The following FAM9A variants were observed in gnomAD, a reference collection of about 807,000 sequenced individuals.
FAM9A encodes the protein family with sequence similarity 9 member A, also known as protein FAM9A.
A neutral mutation model predicts 25.0 loss-of-function variants in FAM9A; 49 were observed. That is an observed-to-expected ratio of 1.96 (90% CI 1.56 to 2.48). The LOEUF (loss-of-function observed/expected upper bound fraction) is 2.48, where lower values mean the gene tolerates loss of function less well. FAM9A is among the 30% of genes most tolerant of loss of function. The pLI is 0.00. For missense variants in FAM9A, 266 were observed against 249.3 expected (o/e 1.07, Z -0.45); for synonymous variants, 80 against 85.1 (o/e 0.94, Z 0.33).
At position 8,791,166 on chromosome X, in the gene FAM9A, C is replaced by A; in HGVS notation, c.*38G>T. 4.2e-6 allele frequency: 2 copies of A among 473,796 alleles called. No individual in the cohort carries two copies. Among genetic ancestry groups the A allele is most frequent in the Non-Finnish European group, 6.9e-6 (2 of 291,276 alleles). 39.0% of individuals were successfully genotyped at this position (473,796 alleles called of 1,213,427 possible). On this transcript the variant is annotated 3_prime_UTR_variant, in exon 10 of 10. Coordinates refer to ENST00000381003, the MANE Select transcript of FAM9A (RefSeq NM_174951.3). ...AAGAGACAATGAAGTGCCAACTCTT[C>A]CAAAAGCTGTTTCAAAAAAAAATTT...
chrX:8,798,237 T>A, intron 4 of FAM9A, 56 bp from the exon 5 acceptor site: 1 of 1,202,838 alleles, frequency 8.3e-7, no homozygotes, highest in Non-Finnish European at 1.1e-6. Flanking sequence ...ATGCCATGTT[T>A]GTTGGGAAGA....
At chrX:8,796,804 G>A (rs1034508503) in intron 5 of FAM9A, among the ~76,000 whole-genome samples, 1 of 111,782 alleles carries the variant, frequency 8.9e-6, no homozygotes, top group Non-Finnish European at 1.9e-5. Flanking sequence ...CATCAAAAGG[G>A]TAGAAATAAC....
chrX:8,795,376 A>G lies in FAM9A; in HGVS notation c.533T>C (p.Leu178Pro). The stretch of plus-strand genomic sequence containing the variant: ...CTGCTTCTCTGCGATGTATTCTTTA[A>G]GGACATTCAGCAACTTCCGAGTATG... The part of the protein sequence containing the change: ...YRHTRKLLNV[L>P]KEYIAEKQKD... Residue 178 changes from leucine (L) to proline (P), a missense_variant, in exon 7 of 10, where the codon CTT becomes CCT. Transcript: ENST00000381003. 8.3e-7 allele frequency: 1 copy of G among 1,204,434 alleles called. No individual in the cohort carries two copies. Among genetic ancestry groups the G allele is most frequent in the Non-Finnish European group, 1.1e-6 (1 of 891,260 alleles).
chrX:8,795,631 T>G (rs1451673413), intron 6 of FAM9A, among the ~76,000 whole-genome samples: 1 of 112,037 alleles, frequency 8.9e-6, no homozygotes, highest in African/African-American at 3.2e-5. Context: ...CTATCTTACA[T>G]TCTTTATGTG....
At chrX:8,796,450 C>T in intron 5 of FAM9A, 68 bp from the exon 6 acceptor site, 2 of 659,400 alleles carry the variant, frequency 3.0e-6, no homozygotes, top group South Asian at 2.6e-5. Context: ...ATATTGAAAT[C>T]AACGTGAGAT....
chrX:8,795,895 T>C (rs1208551756), intron 6 of FAM9A, among the ~76,000 whole-genome samples: 1 of 111,938 alleles, frequency 8.9e-6, no homozygotes, highest in Non-Finnish European at 1.9e-5. Flanking sequence ...GATAACATAT[T>C]TACAACATAA....
chrX:8,791,327 C>T lies in FAM9A; in HGVS notation c.983G>A (p.Ser328Asn). The change falls in exon 9 of 10, where the codon AGT becomes AAT. Residue 328 changes from serine to asparagine, a missense_variant. By Grantham distance (46) the Ser-to-Asn change is conservative. Coordinates refer to ENST00000381003, the MANE Select transcript of FAM9A (RefSeq NM_174951.3). ...NYCIISSSEE[S>N]ELDN ...AAAACACGGCTAGTTATCAAGTTCA[C>T]TTTCTTCACTGGAAGAAATGATGCA... is the stretch of plus-strand genomic sequence containing the variant. The T allele has an allele frequency of 8.3e-7, 1 of 1,206,688 alleles. No homozygotes were observed. The highest frequency in any genetic ancestry group is 1.1e-6 in the Non-Finnish European group (1 of 892,885).
intron 2 of FAM9A, among the ~76,000 whole-genome samples, chrX:8,799,316 C>CTG (rs1315199965): frequency 2.7e-5 from 3 of 110,870 alleles, no homozygotes; most frequent in Non-Finnish European, 3.8e-5. Context: ...CCTCGCACAC[C>CTG]TGAATGGCCC....
chrX:8,791,318 T>A lies in FAM9A; in HGVS notation c.992A>T (p.Asp331Val), dbSNP rs1455704044. The stretch of plus-strand genomic sequence containing the variant: ...TTCTTTTTAAAAACACGGCTAGTTA[T>A]CAAGTTCACTTTCTTCACTGGAAGA... ...IISSSEESEL[D>V]N Residue 331 changes from aspartate (D) to valine (V), a missense_variant, in exon 9 of 10, where the codon GAT becomes GTT. Physicochemically the swap from Asp to Val is radical, Grantham distance 152. Coordinates refer to ENST00000381003, the MANE Select transcript of FAM9A (RefSeq NM_174951.3). The A allele has an allele frequency of 9.1e-6, 11 of 1,205,025 alleles. No individual in the cohort carries two copies. The highest frequency in any genetic ancestry group is 1.1e-5 in the Non-Finnish European group (10 of 891,853).
At chrX:8,801,227 G>C (rs994226493) in intron 1 of FAM9A, 84 bp downstream of exon 1, 2 of 107,817 alleles carry the variant, frequency 1.9e-5, no homozygotes, top group Non-Finnish European at 3.9e-5. Context: ...CCTCCCTACC[G>C]CGAGCGCTTC....
chrX:8,795,284 C>T lies in FAM9A; in HGVS notation c.625G>A (p.Ala209Thr), dbSNP rs778307732. 4 of 1,196,686 alleles carry T rather than the reference C, an allele frequency of 3.3e-6. No individual in the cohort carries two copies. The highest frequency in any genetic ancestry group is 1.8e-5 in the African/African-American group (1 of 55,978). Residue 209 changes from alanine to threonine, a missense_variant, in exon 7 of 10, where the codon GCC (alanine) becomes ACC (threonine). Transcript: ENST00000381003. ...AAAEAAAAAEAAAAAAEVIVV... is the reference protein window; with the variant it reads ...AAAEAAAAAETAAAAAEVIVV... Reference sequence around the variant, plus strand: ...ATTACTTCTGCTGCTGCTGCTGCGGCTTCTGCTGCTGCTGCGGCTTCTGCT... The same window carrying T: ...ATTACTTCTGCTGCTGCTGCTGCGGTTTCTGCTGCTGCTGCGGCTTCTGCT...
In FAM9A at chrX:8,791,323, T is replaced by A; in HGVS notation, c.987A>T (p.Glu329Asp). 8.3e-7 allele frequency: 1 copy of A among 1,205,229 alleles called. No individual in the cohort carries two copies. The highest frequency in any genetic ancestry group is 1.1e-6 in the Non-Finnish European group (1 of 892,181). Residue 329 changes from glutamate (E) to aspartate (D), a missense_variant, in exon 9 of 10, where the codon GAA becomes GAT. Coordinates refer to ENST00000381003, the MANE Select transcript of FAM9A (RefSeq NM_174951.3). ...YCIISSSEESELDN is the reference protein window; with the variant it reads ...YCIISSSEESDLDN ...TTTAAAAACACGGCTAGTTATCAAG[T>A]TCACTTTCTTCACTGGAAGAAATGA...
rs1933469355 is a variant in FAM9A at position 8,791,354 on chromosome X, T to C, written c.956A>G (p.Tyr319Cys). Residue 319 changes from tyrosine (Y) to cysteine (C), a missense_variant, in exon 9 of 10, where the codon TAT becomes TGT. Tyr to Cys is a radical substitution (Grantham distance 194). Coordinates refer to ENST00000381003, the MANE Select transcript of FAM9A (RefSeq NM_174951.3). ...LKAAKDTKDN[Y>C]CIISSSEESE... ...TTCTTCACTGGAAGAAATGATGCAA[T>C]AATTGTCTTTAGTGTCCTTGGCAGC... The C allele has an allele frequency of 2.5e-6, 3 of 1,206,243 alleles. No homozygotes were observed. The East Asian group carries it at 8.9e-5, about 36-fold the overall frequency.
rs914509646 is a variant in FAM9A, at chrX:8,792,648, A to C, written c.930+1010T>G. Among the ~76,000 whole-genome samples the C allele has an allele frequency of 6.3e-5, 7 of 111,374 alleles. No homozygotes were observed. The East Asian group carries it at 1.7e-3, about 27-fold the overall frequency. ...GGTTTCTGGTGAACATTATAGCAAC[A>C]TTTTCTCTACTTGTGACTTCTATTT... On this transcript the variant is annotated intron_variant, in intron 8 of 9. Coordinates refer to ENST00000381003, the MANE Select transcript of FAM9A (RefSeq NM_174951.3).
In FAM9A at chrX:8,796,351, T is replaced by C; in HGVS notation, c.405A>G (p.Arg135=). Residue 135 remains arginine (R), a synonymous_variant, in exon 6 of 10, where the codon AGA becomes AGG. Coordinates refer to ENST00000381003, the MANE Select transcript of FAM9A (RefSeq NM_174951.3). ...CTGCTTTATCTATTTTTATCATTTC[T>C]CTTTTTGCAGCAAGGCCCTTTTTAA... The part of the protein sequence containing the change: ...ADIKKGLAAK[R]EMIKIDKAAY... The C allele has an allele frequency of 8.3e-7, 1 of 1,202,435 alleles. No individual in the cohort carries two copies. Among genetic ancestry groups the C allele is most frequent in the Non-Finnish European group, 1.1e-6 (1 of 889,911 alleles).
chrX:8,793,409 T>A (rs1300711754), intron 8 of FAM9A, among the ~76,000 whole-genome samples: 1 of 111,950 alleles, frequency 8.9e-6, no homozygotes, highest in Non-Finnish European at 1.9e-5. Context: ...ACACAAGATG[T>A]ATATTTCCAG....
In FAM9A at chrX:8,799,083, C is replaced by T. The variant is rs1231897589; in HGVS notation, c.103G>A (p.Ala35Thr). The T allele has an allele frequency of 2.5e-6, 3 of 1,208,770 alleles. No homozygotes were observed. Among genetic ancestry groups the T allele is most frequent in the Admixed American group, 2.2e-5 (1 of 45,799 alleles). Reference sequence around the variant, plus strand: ...GTTGGCTGTCCTGGGAAGTTAGAGGCGATCCCTGAACCTGGTTGAGTGCAA... The same window carrying T: ...GTTGGCTGTCCTGGGAAGTTAGAGGTGATCCCTGAACCTGGTTGAGTGCAA... ...QGATKEGSGI[A>T]SNFPGQPTME... The change falls in exon 3 of 10, where the codon GCC becomes ACC. Residue 35 changes from alanine (A) to threonine (T), a missense_variant. By Grantham distance (58) the Ala-to-Thr change is moderately conservative (BLOSUM62 0). Transcript: ENST00000381003.
intron 8 of FAM9A, 51 bp downstream of exon 8, chrX:8,793,607 T>C: frequency 9.9e-7 from 1 of 1,014,281 alleles, no homozygotes; most frequent in Non-Finnish European, 1.4e-6. Context: ...CTTTCTTCTG[T>C]TATGCACGTG....
intron 3 of FAM9A, 117 bp downstream of exon 3, chrX:8,798,849 C>A: frequency 8.9e-7 from 1 of 1,120,865 alleles, no homozygotes; most frequent in South Asian, 2.2e-5. Context: ...ACAATGGACT[C>A]CAAAGCCACG....
Sources: gnomAD v4.1 joint callset for allele counts (sites outside exome capture counted in the v4.1 genomes callset) on GRCh38, gnomAD v4.1.1 for gene constraint, MANE v1.5 for transcripts, NCBI Gene and HGNC (gene_info 2026-07-23, HGNC 2026-07-21) for gene names.